Variants in GNG7 observed in about 807,000 individuals in gnomAD.
GNG7 encodes G protein subunit gamma 7.
A neutral mutation model predicts 4.0 loss-of-function variants in GNG7; 1 was observed. The observed-to-expected ratio is 0.25, with a 90% CI of 0.09 to 1.18. The LOEUF is 1.18. GNG7 is among the 50% of genes most tolerant of loss of function. The pLI, the probability that GNG7 is intolerant of heterozygous loss-of-function variation, is 0.50. For missense variants in GNG7, 86 were observed against 91.9 expected (o/e 0.94, Z 0.26); for synonymous variants, 34 against 36.9 (o/e 0.92, Z 0.29).
chr19:2,524,094 C>T (rs1255550473), intron 3 of GNG7, among the ~76,000 whole-genome samples: 1 of 152,216 alleles, frequency 6.6e-6, no homozygotes, highest in Non-Finnish European at 1.5e-5. Context: ...ACGGGCTGGC[C>T]GCACCTCCTG....
chr19:2,689,254 G>A (rs1016987377), intron 1 of GNG7, among the ~76,000 whole-genome samples: 5 of 151,242 alleles, frequency 3.3e-5, no homozygotes, highest in Non-Finnish European at 7.4e-5. Context: ...CGTGTTATAG[G>A]GGAAAAAAAA....
intron 2 of GNG7, among the ~76,000 whole-genome samples, chr19:2,586,974 G>A (rs1476135995): frequency 1.6e-5 from 2 of 127,002 alleles, no homozygotes; most frequent in African/African-American, 6.1e-5. Flanking sequence ...GACAGAGCGG[G>A]ACTCCATCTC....
intron 3 of GNG7, among the ~76,000 whole-genome samples, chr19:2,552,992 A>T (rs151245761): frequency 0.013 from 1,956 of 151,818 alleles, 18 homozygotes; most frequent in Non-Finnish European, 0.018. Context: ...GAGGAAGGAA[A>T]TTGTAAAGAT....
chr19:2,650,913 G>A (rs371265704), intron 1 of GNG7, among the ~76,000 whole-genome samples: 15 of 152,212 alleles, frequency 9.9e-5, no homozygotes, highest in African/African-American at 3.1e-4. Context: ...AACACGAACC[G>A]CTGGGACCTC....
At position 2,539,919 on chromosome 19, in the gene GNG7, C is replaced by A. The variant is rs189524564; in HGVS notation, c.-38+15230G>T. Among the ~76,000 whole-genome samples, 216 of 144,568 alleles carry A rather than the reference C, an allele frequency of 1.5e-3. 1 individual carries two copies. The highest frequency in any genetic ancestry group is 5.3e-3 in the African/African-American group (208 of 39,068). 94.8% of individuals were successfully genotyped at this position (144,568 alleles called of 152,430 possible). A position where few individuals can be genotyped will look rare whatever the true frequency, so the allele number is the denominator to read the frequency against. Reference sequence around the variant, plus strand: ...TTCCTCCTTCCCTCCCTCCCTCTTTCTCTTTCTTTCTTCTCTCTCCCTCTC... The same window carrying A: ...TTCCTCCTTCCCTCCCTCCCTCTTTATCTTTCTTTCTTCTCTCTCCCTCTC... On this transcript the variant is annotated intron_variant, in intron 3 of 4. Transcript: ENST00000382159.
At chr19:2,623,257 C>T (rs1303643696) in intron 2 of GNG7, among the ~76,000 whole-genome samples, 2 of 152,128 alleles carry the variant, frequency 1.3e-5, no homozygotes, top group Non-Finnish European at 2.9e-5. Context: ...GCATTTGAGG[C>T]TGCAGTGAGC....
intron 4 of GNG7, among the ~76,000 whole-genome samples, chr19:2,518,129 C>G (rs996830111): frequency 1.1e-4 from 16 of 152,190 alleles, no homozygotes; most frequent in Admixed American, 9.2e-4. Flanking sequence ...CTGCGCTGGG[C>G]TGGTGAGCCC....
intron 2 of GNG7, among the ~76,000 whole-genome samples, chr19:2,603,965 C>T (rs1353619045): frequency 2.6e-5 from 4 of 152,026 alleles, no homozygotes; most frequent in Non-Finnish European, 5.9e-5. Flanking sequence ...ATTCTCCTGC[C>T]TCAGCCTCCT....
intron 1 of GNG7, among the ~76,000 whole-genome samples, chr19:2,690,957 C>T (rs1430113810): frequency 2.0e-5 from 3 of 152,130 alleles, no homozygotes; most frequent in Non-Finnish European, 4.4e-5. Context: ...TCTCCAAACC[C>T]GTAGAATCTT....
chr19:2,668,101 C>T (rs1219575531), intron 1 of GNG7, among the ~76,000 whole-genome samples: 4 of 151,930 alleles, frequency 2.6e-5, no homozygotes, highest in Admixed American at 1.3e-4. Context: ...CTGTGACAAA[C>T]GCACCATGCC....
chr19:2,593,076 A>G (rs1050779631), intron 2 of GNG7, among the ~76,000 whole-genome samples: 1 of 152,044 alleles, frequency 6.6e-6, no homozygotes, highest in African/African-American at 2.4e-5. Flanking sequence ...GGGAGGAAAA[A>G]AAAAGAAAAG....
Position 2,557,269 on chromosome 19 carries a change from GCACA to G in GNG7, c.-77-2085_-77-2082del, listed in dbSNP as rs71832797. 5.0e-3 allele frequency among the ~76,000 whole-genome samples: 752 copies of G among 150,306 alleles called. 4 individuals carry two copies. Among genetic ancestry groups the G allele is most frequent in the South Asian group, 0.03 (142 of 4,736 alleles). ...TGCACACACACGTGCACACACATTT[GCACA>G]CACAGACACGTGCACACACAGAGGT... On this transcript the variant is annotated intron_variant, in intron 2 of 4. Transcript: ENST00000382159. The surrounding 1 kb of genome is among the most constrained non-coding windows in gnomAD (Gnocchi z 5.1).
At chr19:2,605,898 G>A (rs1250111696) in intron 2 of GNG7, among the ~76,000 whole-genome samples, 2 of 152,162 alleles carry the variant, frequency 1.3e-5, no homozygotes, top group African/African-American at 4.8e-5. Context: ...GATCCTTCAT[G>A]TGATCACTTC....
chr19:2,600,197 A>AT (rs199908271), intron 2 of GNG7, among the ~76,000 whole-genome samples: 1 of 151,454 alleles, frequency 6.6e-6, no homozygotes, highest in Non-Finnish European at 1.5e-5. Flanking sequence ...CCCATTAAAT[A>AT]TTTTTTTAAA....
At chr19:2,597,406 G>A (rs1981054699) in intron 2 of GNG7, among the ~76,000 whole-genome samples, 1 of 152,084 alleles carries the variant, frequency 6.6e-6, no homozygotes, top group South Asian at 2.1e-4. Context: ...AGACCAGCCT[G>A]GCCAACATGG....
intron 3 of GNG7, among the ~76,000 whole-genome samples, chr19:2,554,492 C>T (rs944081850): frequency 4.0e-5 from 6 of 148,424 alleles, no homozygotes; most frequent in East Asian, 4.0e-4. Flanking sequence ...TACAGGCGCA[C>T]GCCACTGTGT....
At position 2,649,421 on chromosome 19, in the gene GNG7, G is replaced by A. The variant is rs113425295; in HGVS notation, c.-134-3141C>T. Among the ~76,000 whole-genome samples the A allele has an allele frequency of 7.2e-3, 462 of 63,796 alleles. 2 individuals carry two copies. Among genetic ancestry groups the A allele is most frequent in the African/African-American group, 0.026 (453 of 17,692 alleles). 41.9% of individuals were successfully genotyped at this position (63,796 alleles called of 152,430 possible). On this transcript the variant is annotated intron_variant, in intron 1 of 4. Coordinates refer to ENST00000382159, the MANE Select transcript of GNG7 (RefSeq NM_052847.3). ...TATTATTATTATTACTTTTTGAGAC[G>A]GAGTCTTGCTCTGTCACCCAGGCTG...
intron 1 of GNG7, among the ~76,000 whole-genome samples, chr19:2,668,973 G>A (rs897159755): frequency 5.3e-5 from 8 of 152,032 alleles, no homozygotes; most frequent in South Asian, 2.1e-4. Context: ...GAGAAACCAC[G>A]GTCCCACAAT....
chr19:2,685,765 G>A (rs1290350923), intron 1 of GNG7, among the ~76,000 whole-genome samples: 2 of 152,168 alleles, frequency 1.3e-5, no homozygotes, highest in African/African-American at 2.4e-5. Context: ...GTCCGTGACC[G>A]CCCGGTGTCC....
Sources: allele counts gnomAD v4.1 joint callset (sites outside exome capture counted in the v4.1 genomes callset), GRCh38; gene constraint gnomAD v4.1.1; non-coding constraint Gnocchi (gnomAD v3.1); transcripts MANE v1.5; gene names NCBI Gene and HGNC (gene_info 2026-07-23, HGNC 2026-07-21).